RBM33: variants seen among roughly 807,000 people sequenced by gnomAD.
RBM33 encodes RNA-binding protein 33.
RBM33 carries 28 observed loss-of-function variants against 132.6 expected under a neutral mutation model. The observed-to-expected ratio is 0.21, with a 90% confidence interval of 0.16 to 0.29. The LOEUF (loss-of-function observed/expected upper bound fraction) is 0.29. RBM33 is among the 10% of genes least tolerant of loss of function. RBM33 has a pLI of 1.00. For synonymous variants in RBM33, 634 were observed against 593.0 expected, an observed-to-expected ratio of 1.07 and a Z score of -1.01; for missense variants, 1,291 against 1,518.5, an observed-to-expected ratio of 0.85 and a Z score of 2.49.
rs1352197332 is a variant in RBM33, at chr7:155,737,430, A to C, written c.1261-100A>C. 1.2e-5 allele frequency: 15 copies of C among 1,289,402 alleles called. No homozygotes were observed. The African/African-American group carries it at 2.0e-4, about 17-fold the overall frequency. The allele number at this position is 1,289,402 out of a possible 1,614,324, so 79.9% of individuals were successfully genotyped here. On this transcript the variant is annotated intron_variant, in intron 9 of 17. Coordinates refer to ENST00000401878, the MANE Select transcript of RBM33 (RefSeq NM_053043.3). ...ACTGTTAGGAGACACGTTACTTGACATTTTTGAGGAAAACTTGGAACCAGG... is the reference window on the plus strand; with the variant it reads ...ACTGTTAGGAGACACGTTACTTGACCTTTTTGAGGAAAACTTGGAACCAGG...
At chr7:155,707,588 A>T (rs1317203842) in intron 7 of RBM33, among the ~76,000 whole-genome samples, 2 of 152,176 alleles carry the variant, frequency 1.3e-5, no homozygotes, top group Non-Finnish European at 2.9e-5. Context: ...TGTAATTTCA[A>T]TTAGAATTTC....
chr7:155,781,077 G>A lies in RBM33; in HGVS notation c.*6036G>A, dbSNP rs1802814369. On this transcript the variant is annotated 3_prime_UTR_variant, in exon 18 of 18. Coordinates refer to ENST00000401878, the MANE Select transcript of RBM33 (RefSeq NM_053043.3). The stretch of plus-strand genomic sequence containing the variant: ...GGCGGCCGTCTGACCGTGTGTTACT[G>A]CTTTGCCGACGGGGCCTCCCGGCCC... 1.3e-5 allele frequency: 2 copies of A among 152,756 alleles called. No homozygotes were observed. Among genetic ancestry groups the A allele is most frequent in the South Asian group, 2.1e-4 (1 of 4,840 alleles). 9.5% of individuals were successfully genotyped at this position (152,756 alleles called of 1,614,324 possible). A position where few individuals can be genotyped will look rare whatever the true frequency, so the allele number is the denominator to read the frequency against.
intron 8 of RBM33, among the ~76,000 whole-genome samples, chr7:155,717,182 G>A (rs557307075): frequency 2.4e-4 from 36 of 152,262 alleles, no homozygotes; most frequent in Admixed American, 1.8e-3. Flanking sequence ...AGTTTGCTGG[G>A]GCTGCTGTAA....
intron 16 of RBM33, among the ~76,000 whole-genome samples, chr7:155,768,745 T>C (rs1802307813): frequency 6.6e-6 from 1 of 152,134 alleles, no homozygotes; most frequent in Admixed American, 6.5e-5. Context: ...GCCTCGCGAG[T>C]AGCTGGGACT....
At chr7:155,732,045 C>G (rs1800970531) in intron 9 of RBM33, among the ~76,000 whole-genome samples, 1 of 152,158 alleles carries the variant, frequency 6.6e-6, no homozygotes, top group South Asian at 2.1e-4. Flanking sequence ...ACAGAAGCAG[C>G]CCTTCTTTCT....
At chr7:155,662,332 C>T (rs1798674946) in intron 1 of RBM33, among the ~76,000 whole-genome samples, 1 of 152,188 alleles carries the variant, frequency 6.6e-6, no homozygotes, top group African/African-American at 2.4e-5. Flanking sequence ...TCTGTGTCCC[C>T]ATTTCTCTCC....
rs538480640 is a variant in RBM33, at chr7:155,733,152, T to G, written c.1261-4378T>G. Among the ~76,000 whole-genome samples the G allele has an allele frequency of 5.3e-5, 8 of 152,240 alleles. No individual in the cohort carries two copies. The East Asian group carries it at 1.5e-3, about 29-fold the overall frequency. ...GAGACAGAAATGTAAGAGTGAAAAT[T>G]TTTCAAGGAAATACCGGAGATGGAA... On this transcript the variant is annotated intron_variant, in intron 9 of 17. Transcript: ENST00000401878.
chr7:155,773,551 G>C (rs1182962996), intron 16 of RBM33, among the ~76,000 whole-genome samples: 1 of 127,204 alleles, frequency 7.9e-6, no homozygotes, highest in Non-Finnish European at 1.6e-5. Flanking sequence ...CCAGGCAACA[G>C]TGCGAGACTC....
intron 2 of RBM33, 138 bp from the exon 3 acceptor site, chr7:155,672,729 G>A: frequency 2.1e-6 from 1 of 473,230 alleles, no homozygotes; most frequent in Non-Finnish European, 3.7e-6. Context: ...TGGGCAACAC[G>A]GTGAGGCTTT....
chr7:155,698,756 A>C (rs1799873191), intron 5 of RBM33, among the ~76,000 whole-genome samples: 1 of 152,238 alleles, frequency 6.6e-6, no homozygotes, highest in Admixed American at 6.5e-5. Flanking sequence ...TATCATATAA[A>C]TGGAATCATT....
At chr7:155,704,708 T>C (rs1800065739) in intron 6 of RBM33, among the ~76,000 whole-genome samples, 1 of 152,274 alleles carries the variant, frequency 6.6e-6, no homozygotes, top group African/African-American at 2.4e-5. Flanking sequence ...CAGATTATTT[T>C]ATTCCGAGTT....
At chr7:155,739,555 C>A in intron 11 of RBM33, 160 bp from the exon 12 acceptor site, 1 of 714,760 alleles carries the variant, frequency 1.4e-6, no homozygotes, top group Non-Finnish European at 2.2e-6. Flanking sequence ...CTTATTACTG[C>A]ATTTTAGATA....
intron 5 of RBM33, among the ~76,000 whole-genome samples, chr7:155,683,478 T>G (rs1341001841): frequency 6.6e-6 from 1 of 152,216 alleles, no homozygotes; most frequent in Non-Finnish European, 1.5e-5. Flanking sequence ...TGTGGATCTG[T>G]TGGAACCTAC....
chr7:155,658,394 T>TC (rs1245398654), intron 1 of RBM33, among the ~76,000 whole-genome samples: 2 of 149,458 alleles, frequency 1.3e-5, no homozygotes, highest in African/African-American at 5.0e-5. Flanking sequence ...ATTTTTTTTT[T>TC]TTTTTTTTTT....
rs140348099 is a variant in RBM33 at position 155,764,798 on chromosome 7, T to A, written c.3186+780T>A. ...TCTGGAGAACGGCAAGTCTGCCCGC[T>A]CATTCTCCCTCGTCATCTCGTCACT... On this transcript the variant is annotated intron_variant, in intron 15 of 17. Coordinates refer to ENST00000401878, the MANE Select transcript of RBM33 (RefSeq NM_053043.3). Among the ~76,000 whole-genome samples, 494 of 152,358 alleles carry A rather than the reference T, an allele frequency of 3.2e-3. 2 individuals are homozygous for A. Among genetic ancestry groups the A allele is most frequent in the Admixed American group, 3.8e-3 (58 of 15,304 alleles).
intron 1 of RBM33, 65 bp downstream of exon 1, chr7:155,644,984 G>A: frequency 7.8e-7 from 1 of 1,289,854 alleles, no homozygotes; most frequent in Non-Finnish European, 1.0e-6. Flanking sequence ...TGTAGGCCGG[G>A]GGGCCTCCCC....
intron 2 of RBM33, among the ~76,000 whole-genome samples, chr7:155,669,309 G>C (rs1377448364): frequency 6.6e-6 from 1 of 152,096 alleles, no homozygotes; most frequent in Non-Finnish European, 1.5e-5. Flanking sequence ...TTAAAGATAT[G>C]AATGTCTCAT....
At chr7:155,704,646 T>G (rs1173605090) in intron 6 of RBM33, among the ~76,000 whole-genome samples, 1 of 152,218 alleles carries the variant, frequency 6.6e-6, no homozygotes, top group Non-Finnish European at 1.5e-5. Flanking sequence ...TGCATTTATT[T>G]TAGTTAGAAA....
intron 1 of RBM33, among the ~76,000 whole-genome samples, chr7:155,646,569 C>T (rs1248441953): frequency 3.9e-5 from 6 of 152,196 alleles, no homozygotes; most frequent in African/African-American, 7.2e-5. Flanking sequence ...GGAAGTTCAT[C>T]GCATGGACTG....
Sources: gnomAD v4.1 joint callset for allele counts (sites outside exome capture counted in the v4.1 genomes callset) on GRCh38, gnomAD v4.1.1 for gene constraint, MANE v1.5 for transcripts, NCBI Gene and HGNC (gene_info 2026-07-23, HGNC 2026-07-21) for gene names.